Variants in ULK4 observed in about 807,000 individuals in gnomAD.
ULK4 encodes the protein inactive serine/threonine-protein kinase ULK4.
ULK4 carries 133 observed loss-of-function variants against 160.6 expected under a neutral mutation model. That is an observed-to-expected ratio of 0.83 (90% confidence interval 0.72 to 0.96). ULK4 has a LOEUF of 0.96. Ranked by LOEUF, ULK4 falls within the 40% of genes least tolerant of loss-of-function variation. The pLI is 0.00. For missense variants in ULK4, 1,580 were observed against 1,499.5 expected (o/e 1.05, Z -0.89); for synonymous variants, 534 against 539.8 (o/e 0.99, Z 0.15).
chr3:41,467,249 C>A (rs2083857923), intron 32 of ULK4, among the ~76,000 whole-genome samples: 1 of 152,172 alleles, frequency 6.6e-6, no homozygotes, highest in Non-Finnish European at 1.5e-5. Context: ...AAACTGCGGC[C>A]AGGCACCGTG....
At chr3:41,624,619 T>A (rs538540391) in intron 30 of ULK4, among the ~76,000 whole-genome samples, 15 of 152,212 alleles carry the variant, frequency 9.9e-5, no homozygotes, top group East Asian at 5.8e-4. Flanking sequence ...GTTCTTTGAT[T>A]TGACTAATTA....
At chr3:41,906,013 C>T (rs1210871111) in intron 12 of ULK4, among the ~76,000 whole-genome samples, 1 of 151,876 alleles carries the variant, frequency 6.6e-6, no homozygotes, top group South Asian at 2.1e-4. Context: ...ATCAGGAGAT[C>T]GAGACCATCC....
intron 21 of ULK4, among the ~76,000 whole-genome samples, chr3:41,780,894 A>G (rs2039817954): frequency 6.6e-6 from 1 of 152,172 alleles, no homozygotes; most frequent in Non-Finnish European, 1.5e-5. Flanking sequence ...ACAGAGTTCC[A>G]AAGTTAACTG....
chr3:41,954,600 CA>C, intron 2 of ULK4, 21 bp downstream of exon 2: 1 of 1,602,334 alleles, frequency 6.2e-7, no homozygotes. Flanking sequence ...TTCCCCATGC[CA>C]ATGGAAATAC....
At chr3:41,745,539 A>G (rs999090183) in intron 22 of ULK4, among the ~76,000 whole-genome samples, 2 of 151,746 alleles carry the variant, frequency 1.3e-5, no homozygotes, top group Non-Finnish European at 2.9e-5. Context: ...TGCAGGCCCC[A>G]ATGGATTCAC....
chr3:41,773,297 G>C (rs1294285464), intron 21 of ULK4, among the ~76,000 whole-genome samples: 1 of 152,198 alleles, frequency 6.6e-6, no homozygotes, highest in African/African-American at 2.4e-5. Context: ...GTTTGCAGAT[G>C]ACTTGACTGT....
chr3:41,453,088 G>T (rs1408060010), intron 34 of ULK4, among the ~76,000 whole-genome samples: 2 of 152,130 alleles, frequency 1.3e-5, no homozygotes, highest in African/African-American at 2.4e-5. Flanking sequence ...GGAAAGAAGG[G>T]CTAAGTAAGA....
At chr3:41,881,360 T>G (rs1697514322) in intron 17 of ULK4, among the ~76,000 whole-genome samples, 1 of 149,418 alleles carries the variant, frequency 6.7e-6, no homozygotes, top group Non-Finnish European at 1.5e-5. Flanking sequence ...CCTCCACAGA[T>G]CCTGCTTTTG....
At chr3:41,264,802 C>T (rs768332806) in intron 35 of ULK4, among the ~76,000 whole-genome samples, 4 of 152,164 alleles carry the variant, frequency 2.6e-5, no homozygotes, top group Admixed American at 6.5e-5. Context: ...GGAATTTTTA[C>T]GTGAAGTCTT....
At chr3:41,478,640 G>C (rs1249881161) in intron 32 of ULK4, among the ~76,000 whole-genome samples, 2 of 152,208 alleles carry the variant, frequency 1.3e-5, no homozygotes, top group Non-Finnish European at 2.9e-5. Flanking sequence ...AGAGTGAAAA[G>C]TTTCGGATGG....
At chr3:41,957,825 G>A (rs1700536777) in intron 1 of ULK4, among the ~76,000 whole-genome samples, 1 of 152,028 alleles carries the variant, frequency 6.6e-6, no homozygotes, top group African/African-American at 2.4e-5. Flanking sequence ...ATTGACGCCG[G>A]GAGTTTGACA....
intron 1 of ULK4, 97 bp from the exon 2 acceptor site, chr3:41,954,904 T>C: frequency 1.3e-6 from 1 of 763,698 alleles, no homozygotes; most frequent in Non-Finnish European, 2.0e-6. Context: ...GTGTAAAAAA[T>C]CTAGCAAATC....
At chr3:41,403,441 CTCT>C (rs1357686318) in intron 34 of ULK4, among the ~76,000 whole-genome samples, 7 of 152,172 alleles carry the variant, frequency 4.6e-5, no homozygotes, top group African/African-American at 1.7e-4. Flanking sequence ...ACACTGACAT[CTCT>C]TGTTTCATCC....
chr3:41,392,609 C>T (rs1253755366), intron 35 of ULK4, among the ~76,000 whole-genome samples: 4 of 152,084 alleles, frequency 2.6e-5, no homozygotes, highest in Non-Finnish European at 5.9e-5. Context: ...CACCCAGGCT[C>T]GCTCAGCTTT....
At chr3:41,583,889 A>C (rs1559413078) in intron 31 of ULK4, among the ~76,000 whole-genome samples, 2 of 152,254 alleles carry the variant, frequency 1.3e-5, no homozygotes. Context: ...GAGCAGAGGA[A>C]GACAGAAATG....
At chr3:41,278,174 C>CTGGT (rs2079265709) in intron 35 of ULK4, 1 of 152,364 alleles carries the variant, frequency 6.6e-6, no homozygotes, top group South Asian at 2.1e-4. Flanking sequence ...CCCACGCCCA[C>CTGGT]AGAGCCTAGC....
Position 41,715,243 on chromosome 3 carries a change from A to G in ULK4, c.2628T>C (p.Thr876=). Residue 876 remains threonine (T), a synonymous_variant, in exon 25 of 37, where the codon ACT becomes ACC. Coordinates refer to ENST00000301831, the MANE Select transcript of ULK4 (RefSeq NM_017886.4). ...AAAATTTCGTGTTACTCACAAGAAT[A>G]GTTCCATAGCTGAAAAGAAACTCTT... ...VTEEFLFSYG[T]ILSHIKSVDS... 1 of 1,613,066 alleles carries G rather than the reference A, an allele frequency of 6.2e-7. No individual in the cohort carries two copies. Among genetic ancestry groups the G allele is most frequent in the Non-Finnish European group, 8.5e-7 (1 of 1,179,924 alleles).
intron 32 of ULK4, among the ~76,000 whole-genome samples, chr3:41,496,223 CTCA>C (rs1234319674): frequency 3.3e-5 from 5 of 152,054 alleles, no homozygotes; most frequent in South Asian, 2.1e-4. Flanking sequence ...TGAATAAATG[CTCA>C]TCATAAGTAA....
At chr3:41,374,179 T>C (rs946093026) in intron 35 of ULK4, among the ~76,000 whole-genome samples, 6 of 152,132 alleles carry the variant, frequency 3.9e-5, no homozygotes, top group Non-Finnish European at 7.3e-5. Flanking sequence ...CAAGACTAGA[T>C]AGATTTACAG....
Sources: allele counts gnomAD v4.1 joint callset (sites outside exome capture counted in the v4.1 genomes callset), GRCh38; gene constraint gnomAD v4.1.1; transcripts MANE v1.5; gene names NCBI Gene and HGNC (gene_info 2026-07-23, HGNC 2026-07-21).